The following UST variants were observed in gnomAD, a reference collection of about 807,000 sequenced individuals.
The protein encoded by UST is uronyl 2-sulfotransferase, also known as chondroitin sulfate 2-O-sulfotransferase.
In UST, 21 loss-of-function variants were observed where a neutral mutation model predicts 45.6. The observed-to-expected ratio is 0.46, with a 90% CI of 0.33 to 0.66. The LOEUF (loss-of-function observed/expected upper bound fraction) is 0.66. Among genes scored for constraint, UST ranks in the 30% least tolerant of loss-of-function variants. The pLI is 0.02. For missense variants in UST, 463 were observed against 512.4 expected (o/e 0.90, Z 0.93); for synonymous variants, 215 against 200.6 (o/e 1.07, Z -0.61).
intron 5 of UST, among the ~76,000 whole-genome samples, chr6:148,987,143 G>A (rs1435985642): frequency 6.6e-6 from 1 of 152,210 alleles, no homozygotes; most frequent in Non-Finnish European, 1.5e-5. Context: ...TCTGGTTGAT[G>A]TGCTTCCTGC....
Position 149,037,362 on chromosome 6 carries a change from T to G in UST, c.937+15881T>G, listed in dbSNP as rs151248694. ...TTCCATATGAGCCGTGGTGTCAGGG[T>G]TGCTGGGATCGCCTGCGTTCACTCA... On this transcript the variant is annotated intron_variant, in intron 7 of 7. Transcript: ENST00000367463. Among the ~76,000 whole-genome samples the G allele has an allele frequency of 4.7e-3, 720 of 152,302 alleles. 2 individuals are homozygous for G. The highest frequency in any genetic ancestry group is 0.014 in the Middle Eastern group (4 of 294).
intron 5 of UST, among the ~76,000 whole-genome samples, chr6:148,977,233 A>G (rs1234572862): frequency 6.6e-6 from 1 of 151,782 alleles, no homozygotes; most frequent in East Asian, 1.9e-4. Flanking sequence ...ACAGAACACT[A>G]TTCTATATAT....
At chr6:149,066,437 A>G (rs1305355594) in intron 7 of UST, among the ~76,000 whole-genome samples, 1 of 152,114 alleles carries the variant, frequency 6.6e-6, no homozygotes, top group African/African-American at 2.4e-5. Context: ...GGAGAGGTTG[A>G]CAATGAAGAA....
At chr6:148,812,673 G>C (rs1777280163) in intron 1 of UST, among the ~76,000 whole-genome samples, 4 of 152,200 alleles carry the variant, frequency 2.6e-5, no homozygotes, top group Non-Finnish European at 5.9e-5. Flanking sequence ...TGACATGGTA[G>C]CTGACTTCCC....
chr6:148,751,411 C>T (rs1227949239), intron 1 of UST, among the ~76,000 whole-genome samples: 1 of 152,070 alleles, frequency 6.6e-6, no homozygotes, highest in African/African-American at 2.4e-5. Context: ...CGTGGGGCAA[C>T]CGGAAAGCAT....
chr6:149,016,510 T>G (rs1775901033), intron 5 of UST, among the ~76,000 whole-genome samples: 1 of 110,726 alleles, frequency 9.0e-6, no homozygotes, highest in Non-Finnish European at 1.9e-5. Flanking sequence ...ATTCAGTATC[T>G]ATTGCACTCC....
intron 2 of UST, among the ~76,000 whole-genome samples, chr6:148,891,734 A>C (rs1208511037): frequency 6.6e-6 from 1 of 152,262 alleles, no homozygotes; most frequent in Non-Finnish European, 1.5e-5. Flanking sequence ...AATCTGGTAC[A>C]TTGATTAGTA....
chr6:148,806,639 C>G (rs2114724292), intron 1 of UST, among the ~76,000 whole-genome samples: 1 of 152,260 alleles, frequency 6.6e-6, no homozygotes, highest in Non-Finnish European at 1.5e-5. Flanking sequence ...GCACCCGGCC[C>G]CCTATGCCTT....
intron 2 of UST, among the ~76,000 whole-genome samples, chr6:148,889,116 T>C (rs1778965370): frequency 6.6e-6 from 1 of 152,200 alleles, no homozygotes; most frequent in Non-Finnish European, 1.5e-5. Flanking sequence ...AAAACACAGA[T>C]TGCTGGGCCC....
At chr6:149,026,369 A>T (rs577042779) in intron 7 of UST, among the ~76,000 whole-genome samples, 6 of 152,202 alleles carry the variant, frequency 3.9e-5, no homozygotes, top group Non-Finnish European at 7.3e-5. Flanking sequence ...AGAGAAGTTG[A>T]GAGAATGATC....
intron 2 of UST, among the ~76,000 whole-genome samples, chr6:148,916,316 T>C (rs9399674): frequency 0.36 from 54,927 of 151,994 alleles, 10,275 homozygotes; most frequent in South Asian, 0.54. Flanking sequence ...GGATTTGCAC[T>C]CTGGCACTAT....
chr6:149,028,818 G>A (rs1290793941), intron 7 of UST, among the ~76,000 whole-genome samples: 1 of 152,106 alleles, frequency 6.6e-6, no homozygotes, highest in Non-Finnish European at 1.5e-5. Context: ...GACGTTATTG[G>A]GGCCAACTAC....
chr6:148,867,826 T>C lies in UST; in HGVS notation c.248-19160T>C, dbSNP rs185923993. On this transcript the variant is annotated intron_variant, in intron 1 of 7. Transcript: ENST00000367463. ...TGAGAACAGACTAATACACACTTGT[T>C]TGTAGGATTGAAATCTACATGATAA... Among the ~76,000 whole-genome samples, 419 of 152,332 alleles carry C rather than the reference T, an allele frequency of 2.8e-3. 1 individual carries two copies. The highest frequency in any genetic ancestry group is 9.5e-3 in the African/African-American group (393 of 41,584).
At chr6:148,861,519 T>G (rs1179354711) in intron 1 of UST, among the ~76,000 whole-genome samples, 1 of 152,172 alleles carries the variant, frequency 6.6e-6, no homozygotes, top group African/African-American at 2.4e-5. Flanking sequence ...CTGATCTTAG[T>G]TATTTCTTGC....
chr6:148,840,235 A>G (rs1464917244), intron 1 of UST, among the ~76,000 whole-genome samples: 2 of 152,198 alleles, frequency 1.3e-5, no homozygotes, highest in East Asian at 3.8e-4. Flanking sequence ...CTGGGGCTGC[A>G]CTGCTAGAGA....
intron 7 of UST, among the ~76,000 whole-genome samples, chr6:149,032,001 A>T (rs997435745): frequency 6.6e-6 from 1 of 152,236 alleles, no homozygotes; most frequent in Non-Finnish European, 1.5e-5. Flanking sequence ...CAGAGTGAGG[A>T]GAGCTGGGGC....
At chr6:148,888,027 A>G (rs1778942748) in intron 2 of UST, among the ~76,000 whole-genome samples, 1 of 152,228 alleles carries the variant, frequency 6.6e-6, no homozygotes, top group African/African-American at 2.4e-5. Flanking sequence ...CCATTCCTGC[A>G]TTGCTATAAA....
intron 2 of UST, among the ~76,000 whole-genome samples, chr6:148,933,292 C>A (rs1779956741): frequency 6.6e-6 from 1 of 152,112 alleles, no homozygotes; most frequent in Admixed American, 6.5e-5. Context: ...ATAGTCTAGT[C>A]TATACTCTTT....
chr6:148,806,167 T>C (rs959098664), intron 1 of UST, among the ~76,000 whole-genome samples: 6 of 152,090 alleles, frequency 3.9e-5, no homozygotes, highest in Non-Finnish European at 5.9e-5. Context: ...ACCTGAACCA[T>C]GTCTATTCAA....
Sources: gnomAD v4.1 joint callset for allele counts (sites outside exome capture counted in the v4.1 genomes callset) on GRCh38, gnomAD v4.1.1 for gene constraint, MANE v1.5 for transcripts, NCBI Gene and HGNC (gene_info 2026-07-23, HGNC 2026-07-21) for gene names.